The following HS3ST4 variants were observed in gnomAD, a reference collection of about 807,000 sequenced individuals.
The protein encoded by HS3ST4 is heparan sulfate-glucosamine 3-sulfotransferase 4, also known as heparan sulfate glucosamine 3-O-sulfotransferase 4.
In HS3ST4, 17 loss-of-function variants were observed where a neutral mutation model predicts 29.2. The ratio of observed to expected loss-of-function variants is 0.58; its 90% CI spans 0.40 to 0.87. The LOEUF (loss-of-function observed/expected upper bound fraction) is 0.87. HS3ST4 is among the 40% of genes least tolerant of loss of function. The pLI is 0.00. For missense variants in HS3ST4, 627 were observed against 634.5 expected (o/e 0.99, Z 0.13); for synonymous variants, 314 against 285.7 (o/e 1.10, Z -1.00).
At chr16:25,733,195 A>G (rs1176156066) in intron 1 of HS3ST4, among the ~76,000 whole-genome samples, 1 of 152,214 alleles carries the variant, frequency 6.6e-6, no homozygotes, top group African/African-American at 2.4e-5. Flanking sequence ...ATTTTGTTTT[A>G]TGTGCCAAGA....
chr16:26,045,102 C>T (rs932069504), intron 1 of HS3ST4, among the ~76,000 whole-genome samples: 8 of 152,114 alleles, frequency 5.3e-5, no homozygotes, highest in African/African-American at 1.9e-4. Context: ...AAGAACACAA[C>T]TAGAGAGCCT....
intron 1 of HS3ST4, among the ~76,000 whole-genome samples, chr16:25,812,000 C>CT (rs1308798523): frequency 1.3e-5 from 2 of 152,074 alleles, no homozygotes; most frequent in Admixed American, 6.6e-5. Context: ...TGATTTTGTT[C>CT]TTTTTTTAGT....
At chr16:26,132,644 A>G (rs1235574160) in intron 1 of HS3ST4, among the ~76,000 whole-genome samples, 1 of 152,192 alleles carries the variant, frequency 6.6e-6, no homozygotes, top group Non-Finnish European at 1.5e-5. Context: ...CAGCTGAAGT[A>G]AAGGAGATGA....
intron 1 of HS3ST4, among the ~76,000 whole-genome samples, chr16:26,121,918 G>C (rs1419783717): frequency 6.6e-6 from 1 of 152,168 alleles, no homozygotes; most frequent in Admixed American, 6.5e-5. Flanking sequence ...CCCAGTCAGG[G>C]TCAGGTGAAA....
chr16:25,903,302 G>GTGTGTGTGTGTGTGTGTGTATTATATACA (rs151301516), intron 1 of HS3ST4, among the ~76,000 whole-genome samples: 4 of 103,498 alleles, frequency 3.9e-5, no homozygotes, highest in South Asian at 3.2e-4. Context: ...GTGTGTGTGT[G>GTGTGTGTGTGTGTGTGTGTATTATATACA]TATGTATATG....
intron 1 of HS3ST4, among the ~76,000 whole-genome samples, chr16:26,114,583 T>TA (rs1223646599): frequency 6.6e-6 from 1 of 152,046 alleles, no homozygotes; most frequent in Non-Finnish European, 1.5e-5. Flanking sequence ...GACGGGTCAA[T>TA]AGTGGAAGCA....
intron 1 of HS3ST4, among the ~76,000 whole-genome samples, chr16:25,901,671 G>T (rs1272899948): frequency 1.5e-5 from 2 of 135,898 alleles, no homozygotes; most frequent in Non-Finnish European, 3.2e-5. Flanking sequence ...GAGACTCTGT[G>T]TCAGAAGAAA....
At chr16:25,753,598 T>C (rs1966735635) in intron 1 of HS3ST4, among the ~76,000 whole-genome samples, 1 of 152,144 alleles carries the variant, frequency 6.6e-6, no homozygotes, top group South Asian at 2.1e-4. Context: ...AATTAAGTGC[T>C]GGTGTGTTCA....
At chr16:25,877,858 A>G (rs2141662665) in intron 1 of HS3ST4, among the ~76,000 whole-genome samples, 1 of 152,324 alleles carries the variant, frequency 6.6e-6, no homozygotes, top group South Asian at 2.1e-4. Flanking sequence ...TTCAGCAGAT[A>G]TTTGCTAGAC....
intron 1 of HS3ST4, among the ~76,000 whole-genome samples, chr16:26,034,189 G>A (rs59193169): frequency 0.018 from 2,684 of 152,230 alleles, 73 homozygotes; most frequent in African/African-American, 0.06. Flanking sequence ...GCAAGGGAGC[G>A]ACTGGATGAG....
intron 1 of HS3ST4, among the ~76,000 whole-genome samples, chr16:26,037,003 C>T (rs1380343901): frequency 6.6e-6 from 1 of 152,196 alleles, no homozygotes; most frequent in East Asian, 1.9e-4. Flanking sequence ...TTTCCTTCAA[C>T]CCCTCCATGA....
At chr16:25,836,549 C>A (rs1198473254) in intron 1 of HS3ST4, among the ~76,000 whole-genome samples, 3 of 152,220 alleles carry the variant, frequency 2.0e-5, no homozygotes, top group African/African-American at 4.8e-5. Context: ...GTCTCCACTT[C>A]TGCTATTTAG....
chr16:25,757,396 C>T, intron 1 of HS3ST4, among the ~76,000 whole-genome samples: 1 of 152,040 alleles, frequency 6.6e-6, no homozygotes. Flanking sequence ...TATCACACTT[C>T]ACTTTATTGC....
intron 1 of HS3ST4, among the ~76,000 whole-genome samples, chr16:25,780,281 G>C (rs1236566150): frequency 6.6e-6 from 1 of 152,082 alleles, no homozygotes; most frequent in Non-Finnish European, 1.5e-5. Context: ...TAATAATAAT[G>C]GTCCCATTTG....
intron 1 of HS3ST4, among the ~76,000 whole-genome samples, chr16:25,919,240 G>A (rs1435441250): frequency 1.3e-5 from 2 of 152,036 alleles, no homozygotes; most frequent in South Asian, 2.1e-4. Flanking sequence ...TAAGTTGCCA[G>A]GGCTGGTCTT....
chr16:25,700,688 A>C (rs1224535426), intron 1 of HS3ST4, among the ~76,000 whole-genome samples: 1 of 152,194 alleles, frequency 6.6e-6, no homozygotes, highest in Non-Finnish European at 1.5e-5. Context: ...CGCCCCGTTC[A>C]AGTAATCTCC....
chr16:26,039,465 G>T (rs953629025), intron 1 of HS3ST4, among the ~76,000 whole-genome samples: 1 of 151,738 alleles, frequency 6.6e-6, no homozygotes, highest in East Asian at 1.9e-4. Flanking sequence ...ATTTTATGTG[G>T]GTACATAGTG....
At chr16:25,936,863 G>A (rs554070312) in intron 1 of HS3ST4, among the ~76,000 whole-genome samples, 20 of 152,344 alleles carry the variant, frequency 1.3e-4, no homozygotes, top group South Asian at 4.1e-4. Flanking sequence ...ATAATTTCAC[G>A]TAGCAGGCAA....
intron 1 of HS3ST4, among the ~76,000 whole-genome samples, chr16:25,918,589 G>A (rs1968315822): frequency 6.6e-6 from 1 of 152,172 alleles, no homozygotes; most frequent in Admixed American, 6.5e-5. Flanking sequence ...GGTGTGGTTT[G>A]GTAAAGGATG....
Sources: gnomAD v4.1 joint callset for allele counts (sites outside exome capture counted in the v4.1 genomes callset) on GRCh38, gnomAD v4.1.1 for gene constraint, MANE v1.5 for transcripts, NCBI Gene and HGNC (gene_info 2026-07-23, HGNC 2026-07-21) for gene names.